BTBD9: variants seen among roughly 807,000 people sequenced by gnomAD.
BTBD9 encodes the protein BTB domain containing 9.
In BTBD9, 49 loss-of-function variants were observed where a neutral mutation model predicts 64.3. The ratio of observed to expected loss-of-function variants is 0.76; its 90% CI spans 0.61 to 0.97. The LOEUF (loss-of-function observed/expected upper bound fraction) is 0.97. BTBD9 is among the 50% of genes least tolerant of loss of function. BTBD9 has a pLI of 0.00. For missense variants in BTBD9, 598 were observed against 762.1 expected, an observed-to-expected ratio of 0.78 and a Z score of 2.53; for synonymous variants, 260 against 274.7, an observed-to-expected ratio of 0.95 and a Z score of 0.53.
intron 4 of BTBD9, among the ~76,000 whole-genome samples, chr6:38,581,993 G>A (rs13196530): frequency 0.086 from 13,075 of 152,162 alleles, 687 homozygotes; most frequent in Middle Eastern, 0.18. Flanking sequence ...ATTTGAATAC[G>A]GGAAAGTCTG....
intron 6 of BTBD9, among the ~76,000 whole-genome samples, chr6:38,445,583 GA>G (rs1480829074): frequency 6.6e-6 from 1 of 152,074 alleles, no homozygotes; most frequent in Non-Finnish European, 1.5e-5. Flanking sequence ...GAATATGGGA[GA>G]TTCTATCTGT....
intron 1 of BTBD9, among the ~76,000 whole-genome samples, chr6:38,633,959 C>A (rs1453275129): frequency 6.6e-6 from 1 of 152,174 alleles, no homozygotes; most frequent in Non-Finnish European, 1.5e-5. Context: ...TGACAATATG[C>A]ATACATGTGT....
intron 9 of BTBD9, among the ~76,000 whole-genome samples, chr6:38,247,388 T>C (rs953638657): frequency 1.3e-5 from 2 of 152,210 alleles, no homozygotes; most frequent in African/African-American, 4.8e-5. Context: ...TGGCAGTGCA[T>C]TCAGCAAGGG....
chr6:38,367,996 C>T (rs557607667), intron 6 of BTBD9, among the ~76,000 whole-genome samples: 2 of 151,862 alleles, frequency 1.3e-5, no homozygotes, highest in Non-Finnish European at 2.9e-5. Context: ...GCAATAGTGC[C>T]GTCAGCAATA....
intron 6 of BTBD9, among the ~76,000 whole-genome samples, chr6:38,564,182 T>C (rs558350709): frequency 1.3e-5 from 2 of 152,300 alleles, no homozygotes; most frequent in Admixed American, 6.5e-5. Context: ...GTTATACCTT[T>C]ACTGTCCACT....
chr6:38,432,984 T>A (rs1030594035), intron 6 of BTBD9, among the ~76,000 whole-genome samples: 3 of 152,024 alleles, frequency 2.0e-5, no homozygotes, highest in African/African-American at 4.8e-5. Flanking sequence ...GGTGATTATA[T>A]TTCTTTTCTT....
intron 6 of BTBD9, among the ~76,000 whole-genome samples, chr6:38,506,049 T>A (rs1260978800): frequency 6.6e-6 from 1 of 150,764 alleles, no homozygotes; most frequent in African/African-American, 2.4e-5. Flanking sequence ...TCCCTCTCAT[T>A]TTTCCTGCCT....
chr6:38,583,684 G>A (rs924009300), intron 4 of BTBD9, among the ~76,000 whole-genome samples: 3 of 152,156 alleles, frequency 2.0e-5, no homozygotes, highest in Non-Finnish European at 4.4e-5. Flanking sequence ...AAATGGAAAT[G>A]AAATTTCTAC....
intron 7 of BTBD9, among the ~76,000 whole-genome samples, chr6:38,323,836 C>T (rs1763323201): frequency 6.6e-6 from 1 of 150,462 alleles, no homozygotes; most frequent in African/African-American, 2.4e-5. Context: ...TGGTGGCTCA[C>T]ACCTGTAATT....
At chr6:38,400,617 T>C (rs1766887057) in intron 6 of BTBD9, among the ~76,000 whole-genome samples, 2 of 152,142 alleles carry the variant, frequency 1.3e-5, no homozygotes, top group Non-Finnish European at 2.9e-5. Flanking sequence ...TTTGCACCCT[T>C]ATCCTTTTTC....
chr6:38,308,980 G>C (rs1328149438), intron 7 of BTBD9, among the ~76,000 whole-genome samples: 1 of 151,838 alleles, frequency 6.6e-6, no homozygotes, highest in Non-Finnish European at 1.5e-5. Flanking sequence ...GTCACAACAG[G>C]TTTGTGACTC....
At chr6:38,575,892 C>T (rs1006777729) in intron 6 of BTBD9, among the ~76,000 whole-genome samples, 2 of 151,658 alleles carry the variant, frequency 1.3e-5, no homozygotes, top group African/African-American at 4.8e-5. Context: ...AAAGTCAAGG[C>T]CAGACAGGAA....
intron 6 of BTBD9, among the ~76,000 whole-genome samples, chr6:38,509,056 T>C (rs1772665920): frequency 6.6e-6 from 1 of 152,218 alleles, no homozygotes; most frequent in Admixed American, 6.5e-5. Flanking sequence ...AAACACTTAC[T>C]TGTATAGCTA....
chr6:38,573,402 G>T (rs147655195), intron 6 of BTBD9, among the ~76,000 whole-genome samples: 4 of 152,054 alleles, frequency 2.6e-5, no homozygotes, highest in Admixed American at 6.6e-5. Flanking sequence ...AAACCGTTTT[G>T]TATTAACCAA....
intron 1 of BTBD9, among the ~76,000 whole-genome samples, chr6:38,623,015 G>A (rs970882076): frequency 1.3e-4 from 20 of 152,114 alleles, no homozygotes; most frequent in Non-Finnish European, 2.8e-4. Flanking sequence ...CAGAACACAG[G>A]GAGCCACTCA....
intron 6 of BTBD9, among the ~76,000 whole-genome samples, chr6:38,555,199 A>G (rs1213086789): frequency 6.6e-6 from 1 of 152,200 alleles, no homozygotes; most frequent in Admixed American, 6.5e-5. Context: ...CTCACTGGTT[A>G]AAAGACAATT....
At chr6:38,402,237 A>G (rs1282700751) in intron 6 of BTBD9, among the ~76,000 whole-genome samples, 2 of 152,208 alleles carry the variant, frequency 1.3e-5, no homozygotes, top group Non-Finnish European at 2.9e-5. Flanking sequence ...ATGGATTAAA[A>G]GATTTAATAT....
intron 6 of BTBD9, among the ~76,000 whole-genome samples, chr6:38,462,123 T>C (rs1770114268): frequency 6.6e-6 from 1 of 152,202 alleles, no homozygotes; most frequent in Non-Finnish European, 1.5e-5. Context: ...TTTCATATTC[T>C]TAAAAGTGTC....
At chr6:38,342,609 T>A (rs571306960) in intron 7 of BTBD9, among the ~76,000 whole-genome samples, 4 of 152,262 alleles carry the variant, frequency 2.6e-5, no homozygotes, top group Admixed American at 6.5e-5. Flanking sequence ...AGTTTTACTT[T>A]TTTTCCCCCA....
Sources: gnomAD v4.1 joint callset for allele counts (sites outside exome capture counted in the v4.1 genomes callset) on GRCh38, gnomAD v4.1.1 for gene constraint, MANE v1.5 for transcripts, NCBI Gene and HGNC (gene_info 2026-07-23, HGNC 2026-07-21) for gene names.